Variants in LGR5 observed in about 807,000 individuals in gnomAD.
LGR5 encodes leucine-rich repeat-containing G protein-coupled receptor 5.
In LGR5, 54 loss-of-function variants were observed where a neutral mutation model predicts 76.7. The ratio of observed to expected loss-of-function variants is 0.70; its 90% CI spans 0.57 to 0.88. The LOEUF is 0.88. Ranked by LOEUF, LGR5 falls within the 40% of genes least tolerant of loss-of-function variation. The pLI, the probability that LGR5 is intolerant of heterozygous loss-of-function variation, is 0.00. For missense variants in LGR5, 1,078 were observed against 1,073.3 expected (o/e 1.00, Z -0.06); for synonymous variants, 406 against 421.9 (o/e 0.96, Z 0.46).
intron 3 of LGR5, among the ~76,000 whole-genome samples, chr12:71,530,744 C>G (rs915076358): frequency 6.6e-6 from 1 of 152,118 alleles, no homozygotes; most frequent in Non-Finnish European, 1.5e-5. Context: ...TTCTGCCACT[C>G]AACACCAAAA....
At chr12:71,556,734 T>C (rs765725559) in intron 6 of LGR5, 44 bp downstream of exon 6, 8 of 1,429,490 alleles carry the variant, frequency 5.6e-6, no homozygotes, top group African/African-American at 4.2e-5. Context: ...AGTATTTTCA[T>C]GAATATTCTG....
intron 16 of LGR5, 124 bp from the exon 17 acceptor site, chr12:71,582,332 A>C: frequency 1.3e-6 from 1 of 748,506 alleles, no homozygotes; most frequent in Non-Finnish European, 2.3e-6. Flanking sequence ...CTTGCAAGAA[A>C]GCTAGAGCAC....
At chr12:71,497,998 G>T (rs1168629397) in intron 1 of LGR5, among the ~76,000 whole-genome samples, 1 of 152,066 alleles carries the variant, frequency 6.6e-6, no homozygotes, top group Non-Finnish European at 1.5e-5. Context: ...GAAATGATAG[G>T]AAACATACTT....
chr12:71,531,112 T>C (rs182542147), intron 3 of LGR5, among the ~76,000 whole-genome samples: 9 of 152,184 alleles, frequency 5.9e-5, no homozygotes, highest in African/African-American at 2.2e-4. Context: ...TAAGAAAATA[T>C]AGAAGTCATC....
At chr12:71,580,900 A>C (rs1278044767) in intron 16 of LGR5, among the ~76,000 whole-genome samples, 3 of 152,210 alleles carry the variant, frequency 2.0e-5, no homozygotes, top group African/African-American at 4.8e-5. Context: ...CTTTTTAAAG[A>C]CTACTTGAGA....
chr12:71,539,888 T>C (rs1213402971), intron 4 of LGR5, among the ~76,000 whole-genome samples: 1 of 152,234 alleles, frequency 6.6e-6, no homozygotes, highest in East Asian at 1.9e-4. Context: ...CTGTACAGTA[T>C]GTACATTTGG....
intron 16 of LGR5, chr12:71,582,251 C>T (rs1057446616): frequency 1.6e-5 from 8 of 500,190 alleles, no homozygotes; most frequent in Non-Finnish European, 2.2e-5. Context: ...CACTCTCCCT[C>T]ACCCCCAGTT....
intron 2 of LGR5, among the ~76,000 whole-genome samples, chr12:71,511,705 T>C (rs763165753): frequency 1.3e-5 from 2 of 152,110 alleles, no homozygotes; most frequent in Non-Finnish European, 2.9e-5. Flanking sequence ...TATCCATCAA[T>C]ACTTCAAAAC....
intron 1 of LGR5, chr12:71,448,855 G>C (rs1872133084): frequency 6.6e-6 from 1 of 152,172 alleles, no homozygotes; most frequent in Non-Finnish European, 1.5e-5. Context: ...TCTTTATTTT[G>C]TCTTTGTACT....
chr12:71,505,165 A>T (rs1245505256), intron 2 of LGR5, among the ~76,000 whole-genome samples: 1 of 152,180 alleles, frequency 6.6e-6, no homozygotes, highest in Non-Finnish European at 1.5e-5. Context: ...CTATTTCCCT[A>T]CTTTTAAATT....
At chr12:71,483,505 A>C (rs972204062) in intron 1 of LGR5, among the ~76,000 whole-genome samples, 2 of 152,196 alleles carry the variant, frequency 1.3e-5, no homozygotes, top group Non-Finnish European at 2.9e-5. Flanking sequence ...TTAAGAGTGA[A>C]AATGATCACA....
At chr12:71,543,284 T>G (rs575503022) in intron 4 of LGR5, among the ~76,000 whole-genome samples, 1 of 152,216 alleles carries the variant, frequency 6.6e-6, no homozygotes, top group Non-Finnish European at 1.5e-5. Flanking sequence ...TTTCCTGGGC[T>G]GGGAGTTGGA....
intron 1 of LGR5, among the ~76,000 whole-genome samples, chr12:71,496,695 C>G (rs1874339946): frequency 6.6e-6 from 1 of 152,146 alleles, no homozygotes; most frequent in African/African-American, 2.4e-5. Flanking sequence ...TCTCCATCAA[C>G]AGTTGAGTGG....
At chr12:71,570,024 C>T (rs765839131) in intron 11 of LGR5, among the ~76,000 whole-genome samples, 19 of 152,242 alleles carry the variant, frequency 1.2e-4, no homozygotes, top group South Asian at 4.1e-4. Flanking sequence ...TGGATGAAGC[C>T]GGAAGTCATT....
At chr12:71,467,104 T>C (rs1391157869) in intron 1 of LGR5, among the ~76,000 whole-genome samples, 1 of 152,122 alleles carries the variant, frequency 6.6e-6, no homozygotes, top group Non-Finnish European at 1.5e-5. Flanking sequence ...GTGGGGTTTG[T>C]TTCTATTCCA....
At chr12:71,569,809 T>G (rs1878518015) in intron 11 of LGR5, among the ~76,000 whole-genome samples, 1 of 152,216 alleles carries the variant, frequency 6.6e-6, no homozygotes, top group Non-Finnish European at 1.5e-5. Context: ...CATAACTGGG[T>G]ATATACCCAA....
chr12:71,545,551 T>C (rs1259174980), intron 4 of LGR5, among the ~76,000 whole-genome samples: 2 of 151,998 alleles, frequency 1.3e-5, no homozygotes, highest in Non-Finnish European at 2.9e-5. Context: ...AGAATCCCTA[T>C]AAACTGTATT....
intron 1 of LGR5, among the ~76,000 whole-genome samples, chr12:71,446,259 C>T (rs1006121434): frequency 6.6e-6 from 1 of 152,202 alleles, no homozygotes; most frequent in Non-Finnish European, 1.5e-5. Context: ...TGTCCAGCCC[C>T]ATTTGAAATA....
chr12:71,521,644 G>C (rs1875732702), intron 2 of LGR5, among the ~76,000 whole-genome samples: 1 of 152,204 alleles, frequency 6.6e-6, no homozygotes, highest in South Asian at 2.1e-4. Context: ...GACTGTAGCT[G>C]GGTGGCCATG....
Sources: gnomAD v4.1 joint callset for allele counts (sites outside exome capture counted in the v4.1 genomes callset) on GRCh38, gnomAD v4.1.1 for gene constraint, MANE v1.5 for transcripts, NCBI Gene and HGNC (gene_info 2026-07-23, HGNC 2026-07-21) for gene names.